The following NIPAL3 variants were observed in gnomAD, a reference collection of about 807,000 sequenced individuals.
The protein encoded by NIPAL3 is NIPA-like protein 3.
In NIPAL3, 41 loss-of-function variants were observed where a neutral mutation model predicts 47.2. The ratio of observed to expected loss-of-function variants is 0.87; its 90% CI spans 0.68 to 1.13. The LOEUF is 1.13. Among genes scored for constraint, NIPAL3 ranks in the 50% most tolerant of loss-of-function variants. The pLI is 0.00. For synonymous variants in NIPAL3, 194 were observed against 209.6 expected, an observed-to-expected ratio of 0.93 and a Z score of 0.64; for missense variants, 449 against 530.1, an observed-to-expected ratio of 0.85 and a Z score of 1.50.
Position 24,469,050 on chromosome 1 carries a change from T to C in NIPAL3, c.1086T>C (p.Tyr362=), listed in dbSNP as rs371303414. 1 of 1,614,050 alleles carries C rather than the reference T, an allele frequency of 6.2e-7. No homozygotes were observed. Among genetic ancestry groups the C allele is most frequent in the African/African-American group, 1.3e-5 (1 of 74,916 alleles). ...VQPELKASFS[Y]GALENNDNIS... The stretch of plus-strand genomic sequence containing the variant: ...CTGAACTTAAAGCTTCTTTTTCCTA[T>C]GGGGCTCTGGAAAACAATGACAACA... The change falls in exon 12 of 12, where the codon TAT becomes TAC. Residue 362 remains tyrosine, a synonymous_variant. Transcript: ENST00000374399.
intron 6 of NIPAL3, among the ~76,000 whole-genome samples, chr1:24,453,116 T>C: frequency 6.6e-6 from 1 of 152,298 alleles, no homozygotes; most frequent in South Asian, 2.1e-4. Flanking sequence ...CTCAGCCTGA[T>C]GCATCTTGGC....
intron 11 of NIPAL3, among the ~76,000 whole-genome samples, chr1:24,466,720 C>T (rs1646713620): frequency 1.3e-5 from 2 of 152,152 alleles, no homozygotes; most frequent in South Asian, 4.2e-4. Flanking sequence ...TAGGTGTATT[C>T]CTGTTGGTCT....
At chr1:24,437,422 AG>A (rs1257648521) in intron 2 of NIPAL3, among the ~76,000 whole-genome samples, 1 of 152,224 alleles carries the variant, frequency 6.6e-6, no homozygotes, top group Non-Finnish European at 1.5e-5. Context: ...CATGGCTCTA[AG>A]GGGGAAGAAA....
intron 7 of NIPAL3, among the ~76,000 whole-genome samples, 167 bp downstream of exon 7, chr1:24,453,671 CG>C (rs1646050871): frequency 6.6e-6 from 1 of 151,960 alleles, no homozygotes; most frequent in Admixed American, 6.6e-5. Flanking sequence ...CCCTGCTGAC[CG>C]GAGGCAAACT....
At position 24,419,580 on chromosome 1, in the gene NIPAL3, G is replaced by T. The variant is rs1223352740; in HGVS notation, c.33G>T (p.Leu11=). MDGSHSAALK[L]QQLPPTSSSS... ...GATCCCACAGCGCAGCCCTGAAGCT[G>T]CAGCAGCTGCCTCCCACAAGTAGCT... The change falls in exon 2 of 12, where the codon CTG becomes CTT. Residue 11 remains leucine (L), a synonymous_variant. Transcript: ENST00000374399. 6 of 1,613,944 alleles carry T rather than the reference G, an allele frequency of 3.7e-6. No individual in the cohort carries two copies. Among genetic ancestry groups the T allele is most frequent in the Non-Finnish European group, 5.1e-6 (6 of 1,179,986 alleles).
intron 2 of NIPAL3, chr1:24,432,997 C>T (rs533910121): frequency 6.6e-6 from 1 of 152,312 alleles, no homozygotes; most frequent in African/African-American, 2.4e-5. Context: ...TTATTGAAGG[C>T]TCTGAGAAGC....
At chr1:24,438,972 G>A (rs1241540950) in intron 2 of NIPAL3, among the ~76,000 whole-genome samples, 2 of 152,026 alleles carry the variant, frequency 1.3e-5, no homozygotes, top group African/African-American at 2.4e-5. Context: ...ACAAAAATGT[G>A]TGCACTAGGC....
intron 2 of NIPAL3, chr1:24,433,243 C>T (rs1284345270): frequency 2.0e-5 from 3 of 152,242 alleles, no homozygotes; most frequent in African/African-American, 7.2e-5. Context: ...AGAACCTAAC[C>T]TCTGAATAAC....
At chr1:24,461,457 A>G (rs195720) in intron 10 of NIPAL3, among the ~76,000 whole-genome samples, 96,374 of 149,410 alleles carry the variant, frequency 0.65, 31,318 homozygotes, top group African/African-American at 0.73. Context: ...CAGGAGAATC[A>G]CTTGAACCCG....
Position 24,449,408 on chromosome 1 carries a change from C to T in NIPAL3, c.395-73C>T, listed in dbSNP as rs1570320976. 6.7e-7 allele frequency: 1 copy of T among 1,488,182 alleles called. No individual in the cohort carries two copies. Among genetic ancestry groups the T allele is most frequent in the East Asian group, 2.3e-5 (1 of 42,746 alleles). The allele number at this position is 1,488,182 out of a possible 1,614,324, so 92.2% of individuals were successfully genotyped here. A position where few individuals can be genotyped will look rare whatever the true frequency, so the allele number is the denominator to read the frequency against. On this transcript the variant is annotated intron_variant, in intron 5 of 11. Transcript: ENST00000374399. The surrounding 1 kb of genome is among the most constrained non-coding windows in gnomAD (Gnocchi z 4.5). The stretch of plus-strand genomic sequence containing the variant: ...ATGTTGCAGGAGAAGCCTGTTTTTT[C>T]ATGGCTGAGAACGTGTACTGTATCT...
At chr1:24,427,708 A>G (rs181646095) in intron 2 of NIPAL3, among the ~76,000 whole-genome samples, 2 of 152,298 alleles carry the variant, frequency 1.3e-5, no homozygotes, top group East Asian at 3.9e-4. Flanking sequence ...CCCATCTCAT[A>G]GTGTTGTTTG....
chr1:24,448,012 T>C (rs997318707), intron 5 of NIPAL3, among the ~76,000 whole-genome samples: 1 of 152,264 alleles, frequency 6.6e-6, no homozygotes, highest in African/African-American at 2.4e-5. Flanking sequence ...GACCCATCCC[T>C]GCCTGAAGAA....
chr1:24,449,663 A>G lies in NIPAL3; in HGVS notation c.540+37A>G, dbSNP rs2148825546. 1 of 1,595,060 alleles carries G rather than the reference A, an allele frequency of 6.3e-7. No homozygotes were observed. ...CTCCAGTCGTTCCCCCTGAGATGGC[A>G]GGAGGGAGATCAAGTCCTAGAAACC... On this transcript the variant is annotated intron_variant, in intron 6 of 11. Transcript: ENST00000374399. This position sits in a 1 kb window ranked among gnomAD's most constrained non-coding sequence, Gnocchi z 4.5.
chr1:24,436,990 G>A (rs878989211), intron 2 of NIPAL3, among the ~76,000 whole-genome samples: 3 of 151,892 alleles, frequency 2.0e-5, no homozygotes, highest in Admixed American at 2.0e-4. Flanking sequence ...GGTGGCTCAC[G>A]CCTGTAATCC....
In NIPAL3 at chr1:24,469,614, C is replaced by G. The variant is rs920651396; in HGVS notation, c.*429C>G. 5.5e-5 allele frequency: 9 copies of G among 165,102 alleles called. No individual in the cohort carries two copies. In the East Asian group the frequency reaches 8.2e-4, roughly 15 times the overall value. The allele number at this position is 165,102 out of a possible 1,614,324, so 10.2% of individuals were successfully genotyped here. On this transcript the variant is annotated 3_prime_UTR_variant, in exon 12 of 12. Coordinates refer to ENST00000374399, the MANE Select transcript of NIPAL3 (RefSeq NM_020448.5). ...ATCTCGTCTTCCTCCACCTCATGTG[C>G]ATGCCTGATCTCACCCTGACACTCC...
intron 8 of NIPAL3, among the ~76,000 whole-genome samples, chr1:24,458,230 G>C (rs1221221845): frequency 6.6e-6 from 1 of 152,114 alleles, no homozygotes. Context: ...TAGAGGCTGT[G>C]GTGAGCTGTC....
intron 11 of NIPAL3, 76 bp downstream of exon 11, chr1:24,464,196 C>T (rs2148861486): frequency 9.1e-7 from 1 of 1,104,366 alleles, no homozygotes; most frequent in Non-Finnish European, 1.3e-6. Flanking sequence ...AAAGAGACAA[C>T]CAACTGCTGT....
Position 24,469,157 on chromosome 1 carries a change from GA to G in NIPAL3, c.1194del (p.Val399SerfsTer2). On this transcript the variant is annotated frameshift_variant, in exon 12 of 12. Transcript: ENST00000374399. LOFTEE classifies it high-confidence loss of function. ...AGAAGTGCCTCTGGGGTCCCCTACC[GA>G]GTCCTAGAGCACACCAAGAAGGAAT... ...GSRSASGVPY[R>X]VLEHTKKE The G allele has an allele frequency of 6.2e-7, 1 of 1,613,846 alleles. No homozygotes were observed. The highest frequency in any genetic ancestry group is 2.2e-5 in the East Asian group (1 of 44,860).
At chr1:24,442,418 A>G (rs1645441772) in intron 4 of NIPAL3, among the ~76,000 whole-genome samples, 192 bp downstream of exon 4, 1 of 152,156 alleles carries the variant, frequency 6.6e-6, no homozygotes, top group South Asian at 2.1e-4. Context: ...TCCTCCAGCC[A>G]CCTGTTGAGG....
Sources: allele counts gnomAD v4.1 joint callset (sites outside exome capture counted in the v4.1 genomes callset), GRCh38; gene constraint gnomAD v4.1.1; non-coding constraint Gnocchi (gnomAD v3.1); transcripts MANE v1.5; gene names NCBI Gene and HGNC (gene_info 2026-07-23, HGNC 2026-07-21).